The following SRSF9 variants were observed in gnomAD, a reference collection of about 807,000 sequenced individuals.
SRSF9 encodes serine/arginine-rich splicing factor 9.
SRSF9 carries 3 observed loss-of-function variants against 25.9 expected under a neutral mutation model. The observed-to-expected ratio is 0.12, with a 90% confidence interval of 0.05 to 0.30. The LOEUF is 0.30. SRSF9 is among the 10% of genes least tolerant of loss of function. SRSF9 has a pLI of 1.00. For missense variants in SRSF9, 161 were observed against 303.5 expected, an observed-to-expected ratio of 0.53 and a Z score of 3.49; for synonymous variants, 114 against 113.2, an observed-to-expected ratio of 1.01 and a Z score of -0.05.
chr12:120,465,571 G>C (rs775925940), intron 2 of SRSF9, 56 bp downstream of exon 2: 1 of 1,508,064 alleles, frequency 6.6e-7, no homozygotes, highest in South Asian at 1.3e-5. Context: ...TTGGAAGACA[G>C]ACTCTGTGTT....
In SRSF9 at chr12:120,461,942, C is replaced by T. The variant is rs1320480250; in HGVS notation, c.*77G>A. On this transcript the variant is annotated 3_prime_UTR_variant, in exon 4 of 4. Coordinates refer to ENST00000229390, the MANE Select transcript of SRSF9 (RefSeq NM_003769.3). ...AAAATTTCCTAAGACACTAAATCCT[C>T]AATCTGGAATGTAGATTCTGAGCAC... The T allele has an allele frequency of 2.2e-6, 3 of 1,353,890 alleles. No homozygotes were observed. In the African/African-American group the frequency reaches 4.5e-5, roughly 20 times the overall value. 83.9% of individuals were successfully genotyped at this position (1,353,890 alleles called of 1,614,324 possible).
chr12:120,465,029 T>C (rs540959699), intron 2 of SRSF9: 1 of 152,316 alleles, frequency 6.6e-6, no homozygotes, highest in South Asian at 2.1e-4. Context: ...ATTTATTTCA[T>C]TCCACCAGGG....
chr12:120,466,434 A>AG (rs1878483653), intron 1 of SRSF9, among the ~76,000 whole-genome samples: 1 of 152,250 alleles, frequency 6.6e-6, no homozygotes, highest in South Asian at 2.1e-4. Context: ...AGCCCAGGTC[A>AG]GGCCAGCCTG....
At chr12:120,465,884 A>C (rs1322648854) in intron 1 of SRSF9, 97 bp from the exon 2 acceptor site, 1 of 1,218,554 alleles carries the variant, frequency 8.2e-7, no homozygotes, top group South Asian at 1.6e-5. Context: ...AGTAAGCATA[A>C]AAGGGAAACC....
rs1878352367 is a variant in SRSF9 at position 120,461,933 on chromosome 12, C to CT, written c.*85dup. ...AAAATTAAAAAAATTTCCTAAGACA[C>CT]TAAATCCTCAATCTGGAATGTAGAT... On this transcript the variant is annotated 3_prime_UTR_variant, in exon 4 of 4. Coordinates refer to ENST00000229390, the MANE Select transcript of SRSF9 (RefSeq NM_003769.3). 7.5e-7 allele frequency: 1 copy of CT among 1,329,874 alleles called. No homozygotes were observed. Among genetic ancestry groups the CT allele is most frequent in the Admixed American group, 2.8e-5 (1 of 35,196 alleles). 82.4% of individuals were successfully genotyped at this position (1,329,874 alleles called of 1,614,324 possible).
intron 3 of SRSF9, 120 bp downstream of exon 3, chr12:120,463,830 G>T: frequency 8.4e-7 from 1 of 1,189,674 alleles, no homozygotes; most frequent in Non-Finnish European, 1.2e-6. Context: ...GTCCACCTAA[G>T]ATAGATCTCT....
At chr12:120,466,685 T>C (rs1362561813) in intron 1 of SRSF9, among the ~76,000 whole-genome samples, 1 of 152,126 alleles carries the variant, frequency 6.6e-6, no homozygotes, top group Non-Finnish European at 1.5e-5. Flanking sequence ...CACAGGCGTG[T>C]ACCACTGCAC....
rs1365971218 is a variant in SRSF9, at chr12:120,461,744, T to C, written c.*275A>G. 2 of 279,058 alleles carry C rather than the reference T, an allele frequency of 7.2e-6. No homozygotes were observed. The highest frequency in any genetic ancestry group is 7.3e-5 in the East Asian group (1 of 13,700). 17.3% of individuals were successfully genotyped at this position (279,058 alleles called of 1,614,324 possible). On this transcript the variant is annotated 3_prime_UTR_variant, in exon 4 of 4. Transcript: ENST00000229390. ...TCACAGTAACTGTTGATCTCCATAG[T>C]AGAGCAACCCACAAAGACAGAACTG...
At chr12:120,462,326 G>C in intron 3 of SRSF9, 164 bp from the exon 4 acceptor site, 1 of 626,932 alleles carries the variant, frequency 1.6e-6, no homozygotes, top group Admixed American at 3.7e-5. Context: ...TTATGAGGTA[G>C]GTACTCTTAC....
rs201316560 is a variant in SRSF9, at chr12:120,465,789, TAAA to T, written c.189-5_189-3del. The stretch of plus-strand genomic sequence containing the variant: ...CCATAAATAGCATCCTCTGCATCTC[TAAA>T]AAAAACAACAACAACAAAAAAAACG... On this transcript the variant is annotated splice_polypyrimidine_tract_variant and splice_region_variant and intron_variant, in intron 1 of 3. Transcript: ENST00000229390. 8 of 1,563,848 alleles carry T rather than the reference TAAA, an allele frequency of 5.1e-6. No homozygotes were observed. The Admixed American group carries it at 8.7e-5, about 17-fold the overall frequency.
intron 3 of SRSF9, 137 bp from the exon 4 acceptor site, chr12:120,462,299 A>C: frequency 4.8e-5 from 41 of 858,070 alleles, no homozygotes; most frequent in Non-Finnish European, 6.2e-5. Flanking sequence ...AGGCTATCTC[A>C]TTAAACCTTC....
In SRSF9 at chr12:120,462,147, T is replaced by G; in HGVS notation, c.538A>C (p.Ile180Leu). ...GTGCTTCTCTCAGGATAAACTCGGA[T>G]GTAGGAAGTTTCACCCTGAAATGCA... The part of the protein sequence containing the change: ...FRSHEGETSY[I>L]RVYPERSTSY... The change falls in exon 4 of 4, where the codon ATC becomes CTC. Residue 180 changes from isoleucine to leucine, a missense_variant. Transcript: ENST00000229390. The G allele has an allele frequency of 6.2e-7, 1 of 1,609,658 alleles. No individual in the cohort carries two copies. Among genetic ancestry groups the G allele is most frequent in the Non-Finnish European group, 8.5e-7 (1 of 1,178,226 alleles).
In SRSF9 at chr12:120,461,990, A is replaced by T; in HGVS notation, c.*29T>A. On this transcript the variant is annotated 3_prime_UTR_variant, in exon 4 of 4. Transcript: ENST00000229390. ...CACAAAGCAGCTCAGTTAACCTAAA[A>T]AATAAAGAAAAAATTCCCATCACCT... The T allele has an allele frequency of 6.3e-7, 1 of 1,583,156 alleles. No individual in the cohort carries two copies.
intron 2 of SRSF9, chr12:120,465,084 A>G (rs964961966): frequency 3.3e-5 from 5 of 152,222 alleles, no homozygotes; most frequent in Admixed American, 6.5e-5. Flanking sequence ...AGGTCTTTCC[A>G]GTGTGTTAAT....
At position 120,462,076 on chromosome 12, in the gene SRSF9, G is replaced by A. The variant is rs1336909530; in HGVS notation, c.609C>T (p.Asp203=). ...SRSRSGSRGR[D]SPYQSRGSPH... ...GGGAACCCCTGCTTTGGTATGGAGA[G>A]TCACGGCCCCTTGACCCAGACCGAG... Residue 203 remains aspartate, a synonymous_variant, in exon 4 of 4, where the codon GAC becomes GAT. Transcript: ENST00000229390. 1.2e-6 allele frequency: 2 copies of A among 1,612,272 alleles called. No homozygotes were observed. Among genetic ancestry groups the A allele is most frequent in the African/African-American group, 1.3e-5 (1 of 74,938 alleles).
intron 2 of SRSF9, 53 bp from the exon 3 acceptor site, chr12:120,464,175 C>T: frequency 1.9e-6 from 3 of 1,560,630 alleles, no homozygotes; most frequent in Non-Finnish European, 2.6e-6. Flanking sequence ...GTTAACTGCC[C>T]TGTTAAGAGC....
chr12:120,467,257 C>A (rs574771250), intron 1 of SRSF9, among the ~76,000 whole-genome samples: 26 of 152,274 alleles, frequency 1.7e-4, no homozygotes, highest in Middle Eastern at 3.4e-3. Context: ...GCCTGTAATC[C>A]CAGCACTTTG....
At chr12:120,466,764 G>A (rs977093153) in intron 1 of SRSF9, among the ~76,000 whole-genome samples, 1 of 152,096 alleles carries the variant, frequency 6.6e-6, no homozygotes, top group Non-Finnish European at 1.5e-5. Context: ...TTGAACTCCT[G>A]GGCTCAGGCG....
rs1751290077 is a variant in SRSF9 at position 120,465,612 on chromosome 12, T to G, written c.349+15A>C. ...TTTTACATGTATCATCTCATTCTGT[T>G]TGAAAGGAACATACCTGAAACAAGA... is the stretch of plus-strand genomic sequence containing the variant. On this transcript the variant is annotated intron_variant, in intron 2 of 3. Coordinates refer to ENST00000229390, the MANE Select transcript of SRSF9 (RefSeq NM_003769.3). The G allele has an allele frequency of 6.4e-7, 1 of 1,569,948 alleles. No individual in the cohort carries two copies. Among genetic ancestry groups the G allele is most frequent in the African/African-American group, 1.4e-5 (1 of 71,988 alleles).
Sources: allele counts gnomAD v4.1 joint callset (sites outside exome capture counted in the v4.1 genomes callset), GRCh38; gene constraint gnomAD v4.1.1; transcripts MANE v1.5; gene names NCBI Gene and HGNC (gene_info 2026-07-23, HGNC 2026-07-21).